Variants in ZNF521 observed in about 807,000 individuals in gnomAD.
ZNF521 encodes zinc finger protein 521.
In ZNF521, 14 loss-of-function variants were observed where a neutral mutation model predicts 105.5. The observed-to-expected ratio is 0.13, with a 90% confidence interval of 0.09 to 0.21. The LOEUF (loss-of-function observed/expected upper bound fraction) is 0.21, where lower values mean the gene tolerates loss of function less well. Among genes scored for constraint, ZNF521 ranks in the 10% least tolerant of loss-of-function variants. The probability of loss-of-function intolerance (pLI) is 1.00; values close to 1 mark genes in which losing one functional copy is unlikely to be tolerated. For synonymous variants in ZNF521, 635 were observed against 606.0 expected, an observed-to-expected ratio of 1.05 and a Z score of -0.70; for missense variants, 1,233 against 1,629.7, an observed-to-expected ratio of 0.76 and a Z score of 4.19.
chr18:25,086,028 G>A (rs2033615981), intron 7 of ZNF521, among the ~76,000 whole-genome samples: 1 of 151,940 alleles, frequency 6.6e-6, no homozygotes, highest in Admixed American at 6.6e-5. Flanking sequence ...TAGTTTTATA[G>A]TCTCTTGTGA....
chr18:25,092,033 G>C lies in ZNF521; in HGVS notation c.3707C>G (p.Ser1236Cys). 1 of 1,614,040 alleles carries C rather than the reference G, an allele frequency of 6.2e-7. No homozygotes were observed. ...ECKLCSQTFD[S>C]PAKLQCHLIE... ...CAGGTGGCACTGGAGTTTGGCAGGA[G>C]AGTCAAAGGTCTGGCTGCAGAGTTT... The change falls in exon 6 of 8, where the codon TCT becomes TGT. Residue 1236 changes from serine to cysteine, a missense_variant. Coordinates refer to ENST00000361524, the MANE Select transcript of ZNF521 (RefSeq NM_015461.3).
intron 5 of ZNF521, among the ~76,000 whole-genome samples, chr18:25,145,098 G>A (rs1397583117): frequency 1.3e-5 from 2 of 152,182 alleles, no homozygotes; most frequent in African/African-American, 4.8e-5. Flanking sequence ...AGCCCTGGTT[G>A]TGGACATAGT....
chr18:25,322,793 G>A (rs1193163720), intron 2 of ZNF521, among the ~76,000 whole-genome samples: 1 of 152,060 alleles, frequency 6.6e-6, no homozygotes, highest in Admixed American at 6.6e-5. Context: ...AAGTGTAAAT[G>A]TATGTCTCTT....
intron 3 of ZNF521, among the ~76,000 whole-genome samples, chr18:25,285,218 AT>A (rs1910632245): frequency 1.3e-5 from 2 of 152,188 alleles, no homozygotes; most frequent in South Asian, 4.1e-4. Context: ...GAATTCAGGT[AT>A]TAGTAAAGAC....
At chr18:25,111,204 GCCTTCCCTGC>G in intron 5 of ZNF521, among the ~76,000 whole-genome samples, 1 of 152,022 alleles carries the variant, frequency 6.6e-6, no homozygotes, top group Admixed American at 6.6e-5. Flanking sequence ...CCTCTACTTG[GCCTTCCCTGC>G]AAAGTTTTCT....
At chr18:25,271,000 T>C (rs1909622639) in intron 3 of ZNF521, among the ~76,000 whole-genome samples, 1 of 152,176 alleles carries the variant, frequency 6.6e-6, no homozygotes, top group Non-Finnish European at 1.5e-5. Context: ...TGTTTGCTAT[T>C]ACATGAATGT....
At chr18:25,149,199 C>A (rs944283111) in intron 5 of ZNF521, among the ~76,000 whole-genome samples, 1 of 152,176 alleles carries the variant, frequency 6.6e-6, no homozygotes, top group Non-Finnish European at 1.5e-5. Flanking sequence ...AGGAGGCAGA[C>A]CCTCCATGCG....
chr18:25,108,238 T>TGTTAATGA (rs2034112541), intron 5 of ZNF521, among the ~76,000 whole-genome samples: 6 of 152,194 alleles, frequency 3.9e-5, no homozygotes, highest in Non-Finnish European at 8.8e-5. Context: ...AAAAATATAC[T>TGTTAATGA]TAAAGTATAT....
intron 7 of ZNF521, among the ~76,000 whole-genome samples, chr18:25,081,552 G>A (rs2033496245): frequency 6.6e-6 from 1 of 152,120 alleles, no homozygotes; most frequent in Non-Finnish European, 1.5e-5. Context: ...GAAGCAGGAA[G>A]GGCCAAATTT....
At chr18:25,344,319 T>C (rs1003837052) in intron 2 of ZNF521, among the ~76,000 whole-genome samples, 9 of 152,118 alleles carry the variant, frequency 5.9e-5, no homozygotes, top group Non-Finnish European at 1.3e-4. Flanking sequence ...TTCCTTACAC[T>C]ATTTGATTAA....
chr18:25,224,167 C>T (rs930533440), intron 4 of ZNF521, 178 bp downstream of exon 4: 1 of 642,970 alleles, frequency 1.6e-6, no homozygotes, highest in Non-Finnish European at 2.7e-6. Context: ...CAAAATGCTG[C>T]TTATCAAGAA....
At position 25,227,063 on chromosome 18, in the gene ZNF521, G is replaced by A. The variant is rs369275360; in HGVS notation, c.855C>T (p.Tyr285=). 86 of 1,614,046 alleles carry A rather than the reference G, an allele frequency of 5.3e-5. No homozygotes were observed. Among genetic ancestry groups the A allele is most frequent in the Non-Finnish European group, 6.8e-5 (80 of 1,180,026 alleles). ...TCTCCTCTACGAAGAGCTCGTGGCA[G>A]TAGACACACTGGAGGGCCGCTCGGT... The part of the protein sequence containing the change: ...NEDRAALQCV[Y]CHELFVEETS... The change falls in exon 4 of 8, where the codon TAC becomes TAT. Residue 285 remains tyrosine (Y), a synonymous_variant. Transcript: ENST00000361524. The surrounding 1 kb of genome is among the most constrained non-coding windows in gnomAD (Gnocchi z 5.7).
In ZNF521 at chr18:25,317,965, C is replaced by A. The variant is rs143889262; in HGVS notation, c.220+4043G>T. On this transcript the variant is annotated intron_variant, in intron 3 of 7. Coordinates refer to ENST00000361524, the MANE Select transcript of ZNF521 (RefSeq NM_015461.3). ...CCCTTCACCCAATGACCCAGCAATT[C>A]TATTCCTAACGAGAGAAATAAAACA... is the stretch of plus-strand genomic sequence containing the variant. Among the ~76,000 whole-genome samples the A allele has an allele frequency of 1.4e-4, 21 of 152,212 alleles. No individual in the cohort carries two copies. The East Asian group carries it at 2.1e-3, about 15-fold the overall frequency.
At position 25,204,603 on chromosome 18, in the gene ZNF521, T is replaced by C. The variant is rs867420873; in HGVS notation, c.3574-9359A>G. Among the ~76,000 whole-genome samples the C allele has an allele frequency of 4.9e-4, 74 of 152,168 alleles. 2 individuals carry two copies. Among genetic ancestry groups the C allele is most frequent in the African/African-American group, 1.6e-3 (66 of 41,446 alleles). On this transcript the variant is annotated intron_variant, in intron 4 of 7. Coordinates refer to ENST00000361524, the MANE Select transcript of ZNF521 (RefSeq NM_015461.3). ...AATTAATAAAGAACAACAAATAATC[T>C]TTTTTAAGTTCAAAATTGTCTCCTA...
At chr18:25,089,983 A>C (rs2033709034) in intron 6 of ZNF521, among the ~76,000 whole-genome samples, 1 of 152,222 alleles carries the variant, frequency 6.6e-6, no homozygotes, top group Admixed American at 6.5e-5. Context: ...GCTAGCAAAC[A>C]GTTCTCTATT....
chr18:25,309,230 A>G (rs1912159916), intron 3 of ZNF521, among the ~76,000 whole-genome samples: 1 of 152,246 alleles, frequency 6.6e-6, no homozygotes, highest in African/African-American at 2.4e-5. Context: ...AAGTGACAAA[A>G]TAGTATCAAT....
intron 6 of ZNF521, 133 bp downstream of exon 6, chr18:25,091,817 C>T: frequency 8.8e-7 from 1 of 1,141,150 alleles, no homozygotes; most frequent in Non-Finnish European, 1.2e-6. Flanking sequence ...AAGCAGAAAT[C>T]AAACATCTTC....
intron 5 of ZNF521, among the ~76,000 whole-genome samples, chr18:25,101,205 C>A (rs935294588): frequency 6.6e-6 from 1 of 152,092 alleles, no homozygotes; most frequent in African/African-American, 2.4e-5. Flanking sequence ...ATGGTTAGAA[C>A]TGTGTGGGTC....
chr18:25,155,063 C>T (rs1461788663), intron 5 of ZNF521, among the ~76,000 whole-genome samples: 1 of 152,040 alleles, frequency 6.6e-6, no homozygotes, highest in Non-Finnish European at 1.5e-5. Flanking sequence ...GATATCTTGT[C>T]GTTTAGTAAT....
Sources: gnomAD v4.1 joint callset for allele counts (sites outside exome capture counted in the v4.1 genomes callset) on GRCh38, gnomAD v4.1.1 for gene constraint, Gnocchi (gnomAD v3.1) non-coding constraint, MANE v1.5 for transcripts, NCBI Gene and HGNC (gene_info 2026-07-23, HGNC 2026-07-21) for gene names.